Variants in ARHGAP31 observed in about 807,000 individuals in gnomAD.
The protein encoded by ARHGAP31 is Rho GTPase activating protein 31.
ARHGAP31 carries 34 observed loss-of-function variants against 113.9 expected under a neutral mutation model. The observed-to-expected ratio is 0.30, with a 90% CI of 0.23 to 0.40. The LOEUF (loss-of-function observed/expected upper bound fraction) is 0.40. ARHGAP31 is among the 10% of genes least tolerant of loss of function. The pLI, the probability that ARHGAP31 is intolerant of heterozygous loss-of-function variation, is 1.00. For synonymous variants in ARHGAP31, 650 were observed against 684.8 expected, an observed-to-expected ratio of 0.95 and a Z score of 0.79; for missense variants, 1,548 against 1,767.1, an observed-to-expected ratio of 0.88 and a Z score of 2.22.
At chr3:119,381,779 G>A (rs577356729) in intron 4 of ARHGAP31, among the ~76,000 whole-genome samples, 26 of 152,260 alleles carry the variant, frequency 1.7e-4, no homozygotes, top group African/African-American at 5.8e-4. Context: ...GAGGTCAGGA[G>A]ATCGAGACCA....
chr3:119,308,027 G>A (rs115357472), intron 1 of ARHGAP31, among the ~76,000 whole-genome samples: 2,071 of 148,706 alleles, frequency 0.014, 56 homozygotes, highest in African/African-American at 0.048. Context: ...ACACTCTTCA[G>A]GACTGGAGTC....
intron 1 of ARHGAP31, among the ~76,000 whole-genome samples, chr3:119,335,389 T>G (rs900503006): frequency 6.6e-6 from 1 of 152,230 alleles, no homozygotes; most frequent in African/African-American, 2.4e-5. Flanking sequence ...TTGTAGGAAC[T>G]GACCACCATT....
At chr3:119,306,305 A>G (rs1243465430) in intron 1 of ARHGAP31, among the ~76,000 whole-genome samples, 2 of 152,188 alleles carry the variant, frequency 1.3e-5, no homozygotes, top group African/African-American at 4.8e-5. Flanking sequence ...CTGTAATCAT[A>G]GCACTTTGGG....
chr3:119,381,038 C>A, intron 4 of ARHGAP31, 52 bp downstream of exon 4: 1 of 1,502,642 alleles, frequency 6.7e-7, no homozygotes. Context: ...AGTGTAATAC[C>A]AAAGAGACAG....
At chr3:119,386,766 A>G (rs2080453113) in intron 6 of ARHGAP31, among the ~76,000 whole-genome samples, 1 of 152,180 alleles carries the variant, frequency 6.6e-6, no homozygotes, top group Non-Finnish European at 1.5e-5. Flanking sequence ...GTCACCTCCA[A>G]CGATAGGTAA....
intron 1 of ARHGAP31, among the ~76,000 whole-genome samples, chr3:119,338,146 T>A (rs1165821053): frequency 6.6e-6 from 1 of 152,216 alleles, no homozygotes; most frequent in Non-Finnish European, 1.5e-5. Flanking sequence ...GATTGGTACA[T>A]TTTCATTCCT....
At chr3:119,373,760 A>G (rs6438527) in intron 3 of ARHGAP31, among the ~76,000 whole-genome samples, 70,320 of 151,876 alleles carry the variant, frequency 0.46, 17,170 homozygotes, top group African/African-American at 0.62. Flanking sequence ...CACCGCACCC[A>G]GCTGAGACTG....
chr3:119,403,013 T>C (rs1316210112), intron 10 of ARHGAP31, among the ~76,000 whole-genome samples: 2 of 152,220 alleles, frequency 1.3e-5, no homozygotes, highest in Non-Finnish European at 2.9e-5. Flanking sequence ...TTCCAGCTAA[T>C]TGGGTTCTGA....
chr3:119,361,072 C>T (rs893051719), intron 1 of ARHGAP31, among the ~76,000 whole-genome samples: 4 of 152,190 alleles, frequency 2.6e-5, no homozygotes, highest in African/African-American at 9.7e-5. Context: ...CCTAGGGTGT[C>T]CCCAATCTGA....
At chr3:119,296,736 A>G (rs143012110) in intron 1 of ARHGAP31, among the ~76,000 whole-genome samples, 21 of 152,092 alleles carry the variant, frequency 1.4e-4, no homozygotes, top group Admixed American at 5.2e-4. Context: ...GGGCTTCTGC[A>G]TATGTTTCAT....
intron 1 of ARHGAP31, among the ~76,000 whole-genome samples, chr3:119,317,147 TTTTGTATGGTATG>T (rs1394127791): frequency 6.6e-6 from 1 of 152,188 alleles, no homozygotes; most frequent in Non-Finnish European, 1.5e-5. Context: ...ATGTTTTATG[TTTTGTATGGTATG>T]TCACATTTCT....
chr3:119,301,765 G>A (rs1054198033), intron 1 of ARHGAP31, among the ~76,000 whole-genome samples: 9 of 152,168 alleles, frequency 5.9e-5, no homozygotes, highest in African/African-American at 2.2e-4. Context: ...AGGACTCTGG[G>A]CATAAGAACT....
chr3:119,328,855 C>T (rs577075490), intron 1 of ARHGAP31, among the ~76,000 whole-genome samples: 2 of 152,134 alleles, frequency 1.3e-5, no homozygotes, highest in African/African-American at 4.8e-5. Context: ...TTGGCCAGGC[C>T]GGTCTCTCTG....
In ARHGAP31 at chr3:119,391,061, G is replaced by A. The variant is rs944797078; in HGVS notation, c.881+78G>A. ...GAGGAGGAGAGGTATACAGTCTCAGGACCAAGATGGCAGTGTGGGTTGGAG... is the reference window on the plus strand; with the variant it reads ...GAGGAGGAGAGGTATACAGTCTCAGAACCAAGATGGCAGTGTGGGTTGGAG... On this transcript the variant is annotated intron_variant, in intron 7 of 11. Coordinates refer to ENST00000264245, the MANE Select transcript of ARHGAP31 (RefSeq NM_020754.4). 2.6e-5 allele frequency: 39 copies of A among 1,497,504 alleles called. 1 individual carries two copies. The East Asian group carries it at 4.3e-4, about 17-fold the overall frequency. 92.8% of individuals were successfully genotyped at this position (1,497,504 alleles called of 1,614,324 possible).
chr3:119,394,216 G>A (rs972915777), intron 8 of ARHGAP31, among the ~76,000 whole-genome samples: 1 of 152,210 alleles, frequency 6.6e-6, no homozygotes, highest in African/African-American at 2.4e-5. Flanking sequence ...GAAGAGAACT[G>A]TGATCCCTTG....
intron 1 of ARHGAP31, among the ~76,000 whole-genome samples, chr3:119,309,949 G>GC (rs1553758828): frequency 6.9e-6 from 1 of 143,988 alleles, no homozygotes; most frequent in Non-Finnish European, 1.5e-5. Flanking sequence ...ACTATCAACT[G>GC]TTTTTTTTTT....
At chr3:119,400,851 T>A (rs972541079) in intron 9 of ARHGAP31, among the ~76,000 whole-genome samples, 8 of 152,214 alleles carry the variant, frequency 5.3e-5, no homozygotes, top group African/African-American at 1.7e-4. Context: ...CACGTAGGCT[T>A]TTCTCTTCCT....
At position 119,294,868 on chromosome 3, in the gene ARHGAP31, G is replaced by C. The variant is rs1460509226; in HGVS notation, c.-37G>C. 1 of 1,591,518 alleles carries C rather than the reference G, an allele frequency of 6.3e-7. No homozygotes were observed. Among genetic ancestry groups the C allele is most frequent in the Admixed American group, 1.7e-5 (1 of 59,978 alleles). Reference sequence around the variant, plus strand: ...TTACAGCGGTGCCAAGCAGAGGGGCGGCAGAGACGGAGGGGCAGCCTCTTT... The same window carrying C: ...TTACAGCGGTGCCAAGCAGAGGGGCCGCAGAGACGGAGGGGCAGCCTCTTT... On this transcript the variant is annotated 5_prime_UTR_variant, in exon 1 of 12. Transcript: ENST00000264245.
chr3:119,311,232 A>C (rs1336118431), intron 1 of ARHGAP31, among the ~76,000 whole-genome samples: 2 of 152,136 alleles, frequency 1.3e-5, no homozygotes, highest in African/African-American at 4.8e-5. Context: ...GAAGACTGGC[A>C]CCCATCCTCT....
Sources: gnomAD v4.1 joint callset for allele counts (sites outside exome capture counted in the v4.1 genomes callset) on GRCh38, gnomAD v4.1.1 for gene constraint, MANE v1.5 for transcripts, NCBI Gene and HGNC (gene_info 2026-07-23, HGNC 2026-07-21) for gene names.